The following TNIP2 variants were observed in gnomAD, a reference collection of about 807,000 sequenced individuals.
The protein encoded by TNIP2 is TNFAIP3 interacting protein 2, also known as TNFAIP3-interacting protein 2.
TNIP2 carries 30 observed loss-of-function variants against 43.7 expected under a neutral mutation model. That is an observed-to-expected ratio of 0.69 (90% CI 0.51 to 0.93). TNIP2 has a LOEUF of 0.93. Ranked by LOEUF, TNIP2 falls within the 40% of genes least tolerant of loss-of-function variation. The probability of loss-of-function intolerance (pLI) is 0.00; values close to 1 mark genes in which losing one functional copy is unlikely to be tolerated. For synonymous variants in TNIP2, 260 were observed against 254.6 expected, an observed-to-expected ratio of 1.02 and a Z score of -0.20; for missense variants, 599 against 591.0, an observed-to-expected ratio of 1.01 and a Z score of -0.14.
intron 1 of TNIP2, among the ~76,000 whole-genome samples, chr4:2,755,030 T>C (rs1252317870): frequency 6.6e-6 from 1 of 152,172 alleles, no homozygotes; most frequent in Non-Finnish European, 1.5e-5. Context: ...AGCCTAGGAT[T>C]TGTGTCCTTT....
intron 1 of TNIP2, among the ~76,000 whole-genome samples, chr4:2,749,247 C>G (rs1722042226): frequency 6.6e-6 from 1 of 152,224 alleles, no homozygotes; most frequent in Non-Finnish European, 1.5e-5. Flanking sequence ...GCTGGGACTA[C>G]AGGCTCAAGC....
chr4:2,742,658 C>CCTTGTCTGGGCTCT, intron 5 of TNIP2, 138 bp from the exon 6 acceptor site: 1 of 905,538 alleles, frequency 1.1e-6, no homozygotes, highest in Non-Finnish European at 1.6e-6. Context: ...TGCTGCGCCC[C>CCTTGTCTGGGCTCT]AGAGCCCAGA....
chr4:2,745,453 A>G lies in TNIP2; in HGVS notation c.650T>C (p.Val217Ala), dbSNP rs751887872. Residue 217 changes from valine (V) to alanine (A), a missense_variant, in exon 3 of 6, where the codon GTG becomes GCG. Val to Ala is a moderately conservative substitution (Grantham distance 64). Coordinates refer to ENST00000315423, the MANE Select transcript of TNIP2 (RefSeq NM_024309.4). ...QEENRLLKQK[V>A]THVEDLNAKW... ...AATGTGAAAGACACTCACGTGAGTCACCTTCTGTTTTAACAGTCGATTTTC... is the reference window on the plus strand; with the variant it reads ...AATGTGAAAGACACTCACGTGAGTCGCCTTCTGTTTTAACAGTCGATTTTC... 3 of 1,611,254 alleles carry G rather than the reference A, an allele frequency of 1.9e-6. No homozygotes were observed. In the East Asian group the frequency reaches 6.7e-5, roughly 36 times the overall value.
intron 1 of TNIP2, among the ~76,000 whole-genome samples, chr4:2,749,071 G>A (rs986291274): frequency 2.6e-5 from 4 of 152,112 alleles, no homozygotes; most frequent in African/African-American, 4.8e-5. Context: ...GATGACAGGT[G>A]TGAGCCACCA....
Position 2,744,072 on chromosome 4 carries a change from G to C in TNIP2, c.1026+315C>G, listed in dbSNP as rs1184327974. On this transcript the variant is annotated intron_variant, in intron 5 of 5. Transcript: ENST00000315423. This position sits in a 1 kb window ranked among gnomAD's most constrained non-coding sequence, Gnocchi z 5.1. The stretch of plus-strand genomic sequence containing the variant: ...TCACAGACAGGTCAGGACACGTAGG[G>C]AGCTCACACTTTGAGGCCCGAGATA... Among the ~76,000 whole-genome samples the C allele has an allele frequency of 6.6e-6, 1 of 152,212 alleles. No homozygotes were observed. The highest frequency in any genetic ancestry group is 6.5e-5 in the Admixed American group (1 of 15,284).
rs377013416 is a variant in TNIP2 at position 2,750,144 on chromosome 4, G to A, written c.277-2199C>T. ...TCTGGCCTTAAATTTGTACTTTTCCGTTTTCAAAGAATCCTCCAAAATAAA... is the reference window on the plus strand; with the variant it reads ...TCTGGCCTTAAATTTGTACTTTTCCATTTTCAAAGAATCCTCCAAAATAAA... On this transcript the variant is annotated intron_variant, in intron 1 of 5. Coordinates refer to ENST00000315423, the MANE Select transcript of TNIP2 (RefSeq NM_024309.4). Among the ~76,000 whole-genome samples, 79 of 152,174 alleles carry A rather than the reference G, an allele frequency of 5.2e-4. 2 individuals are homozygous for A. In the South Asian group the frequency reaches 0.013, roughly 26 times the overall value.
intron 2 of TNIP2, chr4:2,746,247 G>A (rs547928596): frequency 6.6e-6 from 1 of 152,250 alleles, no homozygotes; most frequent in East Asian, 1.9e-4. Flanking sequence ...CATAATTTTT[G>A]AGAATTCCCC....
intron 1 of TNIP2, among the ~76,000 whole-genome samples, chr4:2,748,551 C>G (rs1436809363): frequency 1.3e-5 from 2 of 152,210 alleles, no homozygotes; most frequent in East Asian, 3.9e-4. Context: ...ACCATGTTAG[C>G]CAGGATGGTC....
In TNIP2 at chr4:2,750,397, G is replaced by GATTATTATTATT. The variant is rs71644358; in HGVS notation, c.277-2464_277-2453dup. On this transcript the variant is annotated intron_variant, in intron 1 of 5. Coordinates refer to ENST00000315423, the MANE Select transcript of TNIP2 (RefSeq NM_024309.4). Reference sequence around the variant, plus strand: ...TAAGCCCTATTACTGCGAGAACCCTGATTATTATTATTATTATTATTATTA... The same window carrying GATTATTATTATT: ...TAAGCCCTATTACTGCGAGAACCCTGATTATTATTATTATTATTATTATTATTATTATTATTA... Among the ~76,000 whole-genome samples, 417 of 145,644 alleles carry GATTATTATTATT rather than the reference G, an allele frequency of 2.9e-3. 3 individuals carry two copies. The highest frequency in any genetic ancestry group is 3.3e-3 in the Non-Finnish European group (220 of 66,656).
At chr4:2,755,245 A>G (rs182268205) in intron 1 of TNIP2, among the ~76,000 whole-genome samples, 381 of 151,610 alleles carry the variant, frequency 2.5e-3, no homozygotes, top group African/African-American at 8.1e-3. Context: ...ACCTCAAAAC[A>G]CCCCTAAGAA....
In TNIP2 at chr4:2,748,945, C is replaced by T. The variant is rs138804032; in HGVS notation, c.277-1000G>A. The stretch of plus-strand genomic sequence containing the variant: ...AGCTGGGACTACAGGCACGTGCCAC[C>T]GTGCCTGGTTAACTTTTTTGTATTT... On this transcript the variant is annotated intron_variant, in intron 1 of 5. Coordinates refer to ENST00000315423, the MANE Select transcript of TNIP2 (RefSeq NM_024309.4). 1.7e-3 allele frequency among the ~76,000 whole-genome samples: 255 copies of T among 152,106 alleles called. 2 individuals carry two copies. Among genetic ancestry groups the T allele is most frequent in the African/African-American group, 5.6e-3 (233 of 41,484 alleles).
rs1216165955 is a variant in TNIP2 at position 2,742,241 on chromosome 4, C to G, written c.*16G>C. On this transcript the variant is annotated 3_prime_UTR_variant, in exon 6 of 6. Transcript: ENST00000315423. The stretch of plus-strand genomic sequence containing the variant: ...GCACCGGGCCAGGAGGCCGCAAGGG[C>G]ACGGGTGAGTCTCGGTCACTGGCAG... The G allele has an allele frequency of 6.9e-7, 1 of 1,459,676 alleles. No homozygotes were observed. The highest frequency in any genetic ancestry group is 9.1e-7 in the Non-Finnish European group (1 of 1,101,486). 90.4% of individuals were successfully genotyped at this position (1,459,676 alleles called of 1,614,324 possible).
intron 5 of TNIP2, among the ~76,000 whole-genome samples, chr4:2,743,570 G>C (rs996647438): frequency 6.6e-6 from 1 of 152,164 alleles, no homozygotes. Context: ...CCCAGTGGCT[G>C]CTCGGAACAG....
chr4:2,745,800 C>T (rs946104230), intron 2 of TNIP2, among the ~76,000 whole-genome samples: 2 of 152,266 alleles, frequency 1.3e-5, no homozygotes, highest in Non-Finnish European at 2.9e-5. Context: ...GTCCCACCTA[C>T]CAGTTTGAGC....
chr4:2,742,255 G>A lies in TNIP2; in HGVS notation c.*2C>T, dbSNP rs201051462. On this transcript the variant is annotated 3_prime_UTR_variant, in exon 6 of 6. Coordinates refer to ENST00000315423, the MANE Select transcript of TNIP2 (RefSeq NM_024309.4). ...GGCCGCAAGGGCACGGGTGAGTCTC[G>A]GTCACTGGCAGCACTCAGCCACATG... 1.1e-5 allele frequency: 16 copies of A among 1,474,966 alleles called. No homozygotes were observed. The highest frequency in any genetic ancestry group is 7.1e-5 in the African/African-American group (5 of 70,428). The allele number at this position is 1,474,966 out of a possible 1,614,324, so 91.4% of individuals were successfully genotyped here.
chr4:2,744,950 A>C lies in TNIP2; in HGVS notation c.658-5T>G. 1 of 1,599,246 alleles carries C rather than the reference A, an allele frequency of 6.3e-7. No individual in the cohort carries two copies. Among genetic ancestry groups the C allele is most frequent in the Non-Finnish European group, 8.6e-7 (1 of 1,168,790 alleles). ...CTTGGCATTGAGGTCTTCAACCTGA[A>C]GAGGTGGAGCCGGAAAGCTCACGGT... On this transcript the variant is annotated splice_region_variant and splice_polypyrimidine_tract_variant and intron_variant, in intron 3 of 5. Coordinates refer to ENST00000315423, the MANE Select transcript of TNIP2 (RefSeq NM_024309.4). This position sits in a 1 kb window ranked among gnomAD's most constrained non-coding sequence, Gnocchi z 5.1.
chr4:2,745,646 G>A (rs985017463), intron 2 of TNIP2, 111 bp from the exon 3 acceptor site: 57 of 735,334 alleles, frequency 7.8e-5, no homozygotes, highest in African/African-American at 5.2e-4. Flanking sequence ...CCAGTGCAGC[G>A]GGTAGTGATC....
intron 1 of TNIP2, 116 bp from the exon 2 acceptor site, chr4:2,748,061 T>TACTC: frequency 9.1e-7 from 1 of 1,098,654 alleles, no homozygotes; most frequent in African/African-American, 1.6e-5. Context: ...GACACAAACA[T>TACTC]ACTCACTCAG....
chr4:2,745,286 G>A lies in TNIP2; in HGVS notation c.657+160C>T, dbSNP rs367858898. ...GAGATGGACAGGACATGTCCCGTAC[G>A]TCGTTTTAAGCAAAAAAGTCCAGTC... On this transcript the variant is annotated intron_variant, in intron 3 of 5. Transcript: ENST00000315423. The A allele has an allele frequency of 5.7e-4, 368 of 644,008 alleles. 1 individual carries two copies. The African/African-American group carries it at 5.9e-3, about 10-fold the overall frequency. The allele number at this position is 644,008 out of a possible 1,614,324, so 39.9% of individuals were successfully genotyped here. A position where few individuals can be genotyped will look rare whatever the true frequency, so the allele number is the denominator to read the frequency against.
Sources: allele counts gnomAD v4.1 joint callset (sites outside exome capture counted in the v4.1 genomes callset), GRCh38; gene constraint gnomAD v4.1.1; non-coding constraint Gnocchi (gnomAD v3.1); transcripts MANE v1.5; gene names NCBI Gene and HGNC (gene_info 2026-07-23, HGNC 2026-07-21).